HDAC4: variants seen among roughly 807,000 people sequenced by gnomAD.
HDAC4 encodes the protein histone deacetylase 4, also known as histone deacetylase A.
In HDAC4, 16 loss-of-function variants were observed where a neutral mutation model predicts 135.1. That is an observed-to-expected ratio of 0.12 (90% CI 0.08 to 0.18). The LOEUF (loss-of-function observed/expected upper bound fraction) is 0.18, where lower values mean the gene tolerates loss of function less well. Among genes scored for constraint, HDAC4 ranks in the 10% least tolerant of loss-of-function variants. The pLI is 1.00. For missense variants in HDAC4, 1,143 were observed against 1,511.8 expected (o/e 0.76, Z 4.05); for synonymous variants, 685 against 653.4 (o/e 1.05, Z -0.74).
chr2:239,163,944 G>C, intron 5 of HDAC4, 21 bp from the exon 6 acceptor site: 1 of 1,613,914 alleles, frequency 6.2e-7, no homozygotes, highest in South Asian at 1.1e-5. Context: ...AGAAAGCATA[G>C]CAGGGGGTGA....
intron 2 of HDAC4, among the ~76,000 whole-genome samples, chr2:239,348,865 G>T (rs912798460): frequency 8.5e-5 from 13 of 152,222 alleles, no homozygotes; most frequent in Non-Finnish European, 1.5e-4. Flanking sequence ...CAGCTTTGAC[G>T]TCAGAGAACC....
At chr2:239,277,231 G>T (rs769453193) in intron 2 of HDAC4, among the ~76,000 whole-genome samples, 9 of 152,332 alleles carry the variant, frequency 5.9e-5, no homozygotes, top group Middle Eastern at 3.4e-3. Flanking sequence ...TCCCAGAGCC[G>T]AGCCCGGTGA....
At chr2:239,282,424 C>T (rs2050837317) in intron 2 of HDAC4, among the ~76,000 whole-genome samples, 1 of 150,862 alleles carries the variant, frequency 6.6e-6, no homozygotes, top group Non-Finnish European at 1.5e-5. Flanking sequence ...GTACACACCA[C>T]TCTACAATGT....
intron 2 of HDAC4, among the ~76,000 whole-genome samples, chr2:239,333,273 A>C (rs1027650569): frequency 6.6e-6 from 1 of 152,200 alleles, no homozygotes; most frequent in African/African-American, 2.4e-5. Flanking sequence ...TGGTAAAAAA[A>C]AGAAGAAAGA....
chr2:239,136,404 T>C (rs1422293113), intron 9 of HDAC4, among the ~76,000 whole-genome samples: 3 of 152,218 alleles, frequency 2.0e-5, no homozygotes, highest in Non-Finnish European at 4.4e-5. Flanking sequence ...GGTATTCCAC[T>C]GTGTACAGCA....
At chr2:239,358,069 A>G (rs1204849925) in intron 1 of HDAC4, among the ~76,000 whole-genome samples, 4 of 152,206 alleles carry the variant, frequency 2.6e-5, no homozygotes, top group Non-Finnish European at 5.9e-5. Flanking sequence ...AGAGAGACAC[A>G]TATCAACACA....
At position 239,068,574 on chromosome 2, in the gene HDAC4, G is replaced by A. The variant is rs878935223; in HGVS notation, c.2784C>T (p.Ala928=). The change falls in exon 23 of 27, where the codon GCC becomes GCT. Residue 928 remains alanine (A), a synonymous_variant. Transcript: ENST00000543185. The surrounding 1 kb of genome is among the most constrained non-coding windows in gnomAD (Gnocchi z 4.4). ...CTGATGACACCAGCACCACATCCGG[G>A]GCAAACTCGCTGGCGATCGGCATGA... ...TVVMPIASEF[A]PDVVLVSSGF... 1 of 1,614,072 alleles carries A rather than the reference G, an allele frequency of 6.2e-7. No individual in the cohort carries two copies. The highest frequency in any genetic ancestry group is 8.5e-7 in the Non-Finnish European group (1 of 1,180,028).
At chr2:239,386,290 C>T (rs553379470) in intron 1 of HDAC4, among the ~76,000 whole-genome samples, 1 of 152,010 alleles carries the variant, frequency 6.6e-6, no homozygotes, top group East Asian at 1.9e-4. Flanking sequence ...AATGCTCAAA[C>T]GGAATTAGAG....
intron 13 of HDAC4, among the ~76,000 whole-genome samples, chr2:239,111,933 TC>T (rs1196347478): frequency 1.3e-5 from 2 of 152,166 alleles, no homozygotes; most frequent in Non-Finnish European, 2.9e-5. Flanking sequence ...AGGCTCTGCC[TC>T]CCAGGACGGT....
chr2:239,292,301 G>A (rs1445488386), intron 2 of HDAC4, among the ~76,000 whole-genome samples: 2 of 152,256 alleles, frequency 1.3e-5, no homozygotes, highest in Non-Finnish European at 2.9e-5. Context: ...TGGTACGGCA[G>A]AAGACAAGAT....
intron 24 of HDAC4, among the ~76,000 whole-genome samples, 161 bp from the exon 25 acceptor site, chr2:239,054,994 G>A (rs1006844340): frequency 8.4e-5 from 10 of 119,436 alleles, no homozygotes; most frequent in South Asian, 7.4e-4. Context: ...CAAATGTGCC[G>A]TGGTATTTAT....
At chr2:239,367,702 A>G (rs1014083877) in intron 1 of HDAC4, among the ~76,000 whole-genome samples, 1 of 152,212 alleles carries the variant, frequency 6.6e-6, no homozygotes, top group African/African-American at 2.4e-5. Flanking sequence ...AATAAATTTC[A>G]TGTTTAGGCT....
chr2:239,285,240 C>T lies in HDAC4; in HGVS notation c.23-48576G>A, dbSNP rs974308991. On this transcript the variant is annotated intron_variant, in intron 2 of 26. Coordinates refer to ENST00000543185, the MANE Select transcript of HDAC4 (RefSeq NM_001378414.1). This position sits in a 1 kb window ranked among gnomAD's most constrained non-coding sequence, Gnocchi z 4.5. The stretch of plus-strand genomic sequence containing the variant: ...GCCACGGTGGAGGGGGACAGAGCCA[C>T]GCTAAGGAGGAACACAGCCATGCTG... Among the ~76,000 whole-genome samples the T allele has an allele frequency of 3.3e-5, 5 of 152,198 alleles. No individual in the cohort carries two copies. Among genetic ancestry groups the T allele is most frequent in the South Asian group, 2.1e-4 (1 of 4,834 alleles).
intron 2 of HDAC4, among the ~76,000 whole-genome samples, chr2:239,244,715 T>C (rs775007625): frequency 2.0e-5 from 3 of 152,176 alleles, no homozygotes; most frequent in Non-Finnish European, 4.4e-5. Flanking sequence ...GGTCTCCATC[T>C]GCCACCTCAA....
intron 6 of HDAC4, chr2:239,162,154 C>T (rs1338655527): frequency 3.5e-5 from 16 of 456,690 alleles, no homozygotes; most frequent in East Asian, 6.9e-5. Flanking sequence ...CTCCAACTCC[C>T]GCTGCAGCCT....
At chr2:239,399,642 T>G (rs1343475992) in intron 1 of HDAC4, among the ~76,000 whole-genome samples, 2 of 152,178 alleles carry the variant, frequency 1.3e-5, no homozygotes, top group African/African-American at 2.4e-5. Flanking sequence ...ACAGGCTTAC[T>G]CCCAGGCCTT....
Position 239,053,056 on chromosome 2 carries a change from CAGAG to C in HDAC4, c.*37_*40del. The C allele has an allele frequency of 6.2e-7, 1 of 1,612,166 alleles. No individual in the cohort carries two copies. The highest frequency in any genetic ancestry group is 8.5e-7 in the Non-Finnish European group (1 of 1,178,170). On this transcript the variant is annotated 3_prime_UTR_variant, in exon 27 of 27. Coordinates refer to ENST00000543185, the MANE Select transcript of HDAC4 (RefSeq NM_001378414.1). The stretch of plus-strand genomic sequence containing the variant: ...AAAGTTTCTTGGCTGAGCTTCAAGA[CAGAG>C]ACAGACAGACAAGAGAACAGCAGCT...
intron 2 of HDAC4, among the ~76,000 whole-genome samples, chr2:239,305,988 C>G (rs2052559893): frequency 6.6e-6 from 1 of 152,206 alleles, no homozygotes; most frequent in Non-Finnish European, 1.5e-5. Context: ...GCACCCTGGG[C>G]AAGCACAGTG....
intron 12 of HDAC4, among the ~76,000 whole-genome samples, chr2:239,123,101 G>A (rs1049423146): frequency 1.3e-5 from 2 of 152,196 alleles, no homozygotes; most frequent in African/African-American, 4.8e-5. Context: ...GAGAGTACCC[G>A]GTTTCTAAAT....
Sources: gnomAD v4.1 joint callset for allele counts (sites outside exome capture counted in the v4.1 genomes callset) on GRCh38, gnomAD v4.1.1 for gene constraint, Gnocchi (gnomAD v3.1) non-coding constraint, MANE v1.5 for transcripts, NCBI Gene and HGNC (gene_info 2026-07-23, HGNC 2026-07-21) for gene names.